The following ZFP82 variants were observed in gnomAD, a reference collection of about 807,000 sequenced individuals.
The protein encoded by ZFP82 is ZFP82 zinc finger protein.
Under a neutral mutation model 54.0 loss-of-function variants are expected in ZFP82, and 30 were observed. The observed-to-expected ratio is 0.56, with a 90% CI of 0.42 to 0.75. ZFP82 has a LOEUF of 0.75. ZFP82 is among the 30% of genes least tolerant of loss of function. ZFP82 has a pLI of 0.00. For missense variants in ZFP82, 500 were observed against 636.8 expected (o/e 0.79, Z 2.31); for synonymous variants, 194 against 209.5 (o/e 0.93, Z 0.64).
At chr19:36,414,462 C>T (rs989840312) in intron 1 of ZFP82, among the ~76,000 whole-genome samples, 2 of 149,786 alleles carry the variant, frequency 1.3e-5, no homozygotes, top group Non-Finnish European at 3.0e-5. Flanking sequence ...CTCCCGGGTT[C>T]AAGTGATTCC....
chr19:36,409,077 A>G (rs2032533568), intron 2 of ZFP82, among the ~76,000 whole-genome samples: 1 of 152,130 alleles, frequency 6.6e-6, no homozygotes, highest in Admixed American at 6.5e-5. Context: ...ATGTCATTCT[A>G]GACCAGCACA....
intron 1 of ZFP82, among the ~76,000 whole-genome samples, chr19:36,418,249 C>G (rs533386363): frequency 9.1e-4 from 138 of 152,016 alleles, no homozygotes; most frequent in Admixed American, 1.5e-3. Flanking sequence ...GAGTCTTTGG[C>G]GTGCAGAAAC....
chr19:36,416,249 C>T (rs2032666783), intron 1 of ZFP82, among the ~76,000 whole-genome samples: 1 of 152,172 alleles, frequency 6.6e-6, no homozygotes, highest in Admixed American at 6.5e-5. Context: ...TTGTGTCTAA[C>T]ATTGAAAAAC....
intron 4 of ZFP82, chr19:36,394,797 T>A (rs903802301): frequency 1.3e-5 from 2 of 152,150 alleles, no homozygotes; most frequent in African/African-American, 2.4e-5. Context: ...AGTACCTAAA[T>A]CCATGTTGCT....
At chr19:36,411,340 G>C (rs191551630) in intron 1 of ZFP82, among the ~76,000 whole-genome samples, 1 of 151,894 alleles carries the variant, frequency 6.6e-6, no homozygotes, top group East Asian at 1.9e-4. Context: ...TCCAGTGAGC[G>C]AAAACTGGCA....
At chr19:36,387,668 A>T (rs2032130929), downstream of ZFP82, among the ~76,000 whole-genome samples, 1 of 152,164 alleles carries the variant, frequency 6.6e-6, no homozygotes, top group South Asian at 2.1e-4. Context: ...CCCAGGCTGG[A>T]GTGCAATGGT....
At chr19:36,404,112 G>A (rs939436667) in intron 4 of ZFP82, among the ~76,000 whole-genome samples, 11 of 152,210 alleles carry the variant, frequency 7.2e-5, no homozygotes, top group Admixed American at 3.3e-4. Context: ...AACTTGATTG[G>A]TTGTTTACCA....
chr19:36,384,084 G>A (rs529348208), downstream of ZFP82: 4 of 152,222 alleles, frequency 2.6e-5, no homozygotes, highest in Admixed American at 1.3e-4. Flanking sequence ...ATCTAGTGAG[G>A]TTGAAAGTAA....
intron 4 of ZFP82, among the ~76,000 whole-genome samples, chr19:36,397,630 G>A (rs542124643): frequency 4.7e-4 from 72 of 151,710 alleles, no homozygotes; most frequent in African/African-American, 1.5e-3. Context: ...GTATAATCTC[G>A]GCTCACTGCA....
chr19:36,393,411 T>C lies in ZFP82; in HGVS notation c.929A>G (p.Tyr310Cys), dbSNP rs745727983. The change falls in exon 5 of 5, where the codon TAT (tyrosine) becomes TGT (cysteine). Residue 310 changes from tyrosine (Y) to cysteine (C), a missense_variant. By Grantham distance (194) the Tyr-to-Cys change is radical. Transcript: ENST00000392161. ...HQKLNSADRL[Y>C]ECKECGKAFL... is the part of the protein sequence containing the mutation. The stretch of plus-strand genomic sequence containing the variant: ...GGCCTTCCCACATTCTTTGCATTCA[T>C]AGAGCCTGTCAGCACTATTAAGCTT... 56 of 1,613,988 alleles carry C rather than the reference T, an allele frequency of 3.5e-5. No homozygotes were observed. Among genetic ancestry groups the C allele is most frequent in the Non-Finnish European group, 1.8e-5 (21 of 1,180,014 alleles).
In ZFP82 at chr19:36,407,992, C is replaced by T; in HGVS notation, c.31G>A (p.Val11Ile). The change falls in exon 3 of 5, where the codon GTA (valine) becomes ATA (isoleucine). Residue 11 changes from valine (V) to isoleucine (I), a missense_variant. Coordinates refer to ENST00000392161, the MANE Select transcript of ZFP82 (RefSeq NM_133466.4). ...TCTTCTGGAGAGAAGTCTATGGATA[C>T]ATCACTGAACATCACTGATCGCTGA... Reference protein sequence around the residue: MALRSVMFSDVSIDFSPEEWE... With the variant: MALRSVMFSDISIDFSPEEWE... 1.2e-6 allele frequency: 2 copies of T among 1,613,318 alleles called. No homozygotes were observed. The highest frequency in any genetic ancestry group is 1.3e-5 in the African/African-American group (1 of 75,018).
chr19:36,409,347 A>C (rs2032538235), intron 2 of ZFP82, among the ~76,000 whole-genome samples: 1 of 151,758 alleles, frequency 6.6e-6, no homozygotes, highest in African/African-American at 2.4e-5. Context: ...GCTTCATTGG[A>C]GCCTCAAACT....
intron 1 of ZFP82, among the ~76,000 whole-genome samples, chr19:36,410,449 GTATA>G (rs1224354413): frequency 6.6e-6 from 1 of 150,888 alleles, no homozygotes; most frequent in Admixed American, 6.6e-5. Flanking sequence ...GTGTGTGTGT[GTATA>G]TGTGTGTGTA....
chr19:36,388,346 GT>G (rs2032139371), downstream of ZFP82, among the ~76,000 whole-genome samples: 1 of 151,876 alleles, frequency 6.6e-6, no homozygotes, highest in Non-Finnish European at 1.5e-5. Context: ...TAACGATCTA[GT>G]AAAATTTTGT....
At chr19:36,414,122 G>A (rs777527971) in intron 1 of ZFP82, among the ~76,000 whole-genome samples, 3 of 151,804 alleles carry the variant, frequency 2.0e-5, no homozygotes, top group Admixed American at 6.6e-5. Flanking sequence ...ACATAGTCTC[G>A]ATCTCCTGAC....
At chr19:36,416,756 CAAA>C (rs1165706150) in intron 1 of ZFP82, among the ~76,000 whole-genome samples, 3 of 68,902 alleles carry the variant, frequency 4.4e-5, no homozygotes, top group African/African-American at 6.3e-5. Context: ...AACTCCGTCT[CAAA>C]AAAAAAAAAA....
In ZFP82 at chr19:36,403,622, GA is replaced by G. The variant is rs369237432; in HGVS notation, c.229+1957del. ...GCGACAGAGCGAGACTCCGTCGCAA[GA>G]AAAAAAAAAAAAAAAACCTTTTGAA... On this transcript the variant is annotated intron_variant, in intron 4 of 4. Coordinates refer to ENST00000392161, the MANE Select transcript of ZFP82 (RefSeq NM_133466.4). Among the ~76,000 whole-genome samples, 26 of 131,668 alleles carry G rather than the reference GA, an allele frequency of 2.0e-4. No individual in the cohort carries two copies. The East Asian group carries it at 2.9e-3, about 15-fold the overall frequency. The allele number at this position is 131,668 out of a possible 152,430, so 86.4% of individuals were successfully genotyped here. A position where few individuals can be genotyped will look rare whatever the true frequency, so the allele number is the denominator to read the frequency against.
rs1210174741 is a variant in ZFP82 at position 36,389,039 on chromosome 19, CTTTCT to C, written c.*3697_*3701del. On this transcript the variant is annotated 3_prime_UTR_variant, in exon 5 of 5. Transcript: ENST00000392161. ...AGTCTACAATTTCAGACTTGATTTT[CTTTCT>C]TTTTTTTTTTTTTTGAGATGGAGTC... Among the ~76,000 whole-genome samples, 23 of 122,684 alleles carry C rather than the reference CTTTCT, an allele frequency of 1.9e-4. No homozygotes were observed. Among genetic ancestry groups the C allele is most frequent in the African/African-American group, 3.6e-4 (11 of 30,590 alleles). The allele number at this position is 122,684 out of a possible 152,430, so 80.5% of individuals were successfully genotyped here. A position where few individuals can be genotyped will look rare whatever the true frequency, so the allele number is the denominator to read the frequency against.
downstream of ZFP82, among the ~76,000 whole-genome samples, chr19:36,386,454 A>G (rs1396995391): frequency 6.6e-6 from 1 of 152,198 alleles, no homozygotes. Flanking sequence ...GACAGTGCCT[A>G]ATGGAGAGAG....
Sources: gnomAD v4.1 joint callset for allele counts (sites outside exome capture counted in the v4.1 genomes callset) on GRCh38, gnomAD v4.1.1 for gene constraint, MANE v1.5 for transcripts, NCBI Gene and HGNC (gene_info 2026-07-23, HGNC 2026-07-21) for gene names.